The following STEAP1B variants were observed in gnomAD, a reference collection of about 807,000 sequenced individuals.
The protein encoded by STEAP1B is STEAP family member 1B, also known as STEAP family protein MGC87042.
A neutral mutation model predicts 27.9 loss-of-function variants in STEAP1B; 13 were observed. That is an observed-to-expected ratio of 0.47 (90% CI 0.30 to 0.74). The LOEUF is 0.74. STEAP1B is among the 30% of genes least tolerant of loss of function. The probability of loss-of-function intolerance (pLI) is 0.06; values close to 1 mark genes in which losing one functional copy is unlikely to be tolerated. For synonymous variants in STEAP1B, 86 were observed against 107.1 expected (o/e 0.80, Z 1.22); for missense variants, 250 against 298.7 (o/e 0.84, Z 1.20).
At chr7:22,493,093 T>C (rs1786361153) in intron 3 of STEAP1B, among the ~76,000 whole-genome samples, 1 of 152,204 alleles carries the variant, frequency 6.6e-6, no homozygotes, top group African/African-American at 2.4e-5. Flanking sequence ...GAACAAAATG[T>C]TTCTTATGTT....
chr7:22,429,521 T>C (rs1398201959), intron 4 of STEAP1B, among the ~76,000 whole-genome samples: 1 of 152,146 alleles, frequency 6.6e-6, no homozygotes, highest in African/African-American at 2.4e-5. Flanking sequence ...ATATATACTA[T>C]AGCTTTTTGA....
intron 2 of STEAP1B, among the ~76,000 whole-genome samples, chr7:22,494,235 C>A (rs1786397631): frequency 6.7e-6 from 1 of 150,196 alleles, no homozygotes; most frequent in Non-Finnish European, 1.5e-5. Context: ...GCCACTTTTT[C>A]AGTCAAAAAA....
chr7:22,473,130 C>T (rs1785913338), intron 4 of STEAP1B, among the ~76,000 whole-genome samples: 1 of 152,126 alleles, frequency 6.6e-6, no homozygotes, highest in Non-Finnish European at 1.5e-5. Flanking sequence ...TGCATTACCG[C>T]ACTGACCAGG....
At chr7:22,449,569 A>T (rs1785454810) in intron 4 of STEAP1B, among the ~76,000 whole-genome samples, 2 of 152,200 alleles carry the variant, frequency 1.3e-5, no homozygotes, top group Non-Finnish European at 2.9e-5. Flanking sequence ...TGCTTCCAAA[A>T]TCTTGGCTAT....
In STEAP1B at chr7:22,433,199, C is replaced by T. The variant is rs868513018; in HGVS notation, c.763-13363G>A. On this transcript the variant is annotated intron_variant, in intron 4 of 4. Transcript: ENST00000678116. ...AAACTTCGCAAGCTCCCATTCATTG[C>T]ACCCCAAAAGACAGAGAACCTGGTA... Among the ~76,000 whole-genome samples, 67 of 152,266 alleles carry T rather than the reference C, an allele frequency of 4.4e-4. 1 individual carries two copies. Among genetic ancestry groups the T allele is most frequent in the African/African-American group, 1.6e-3 (66 of 41,536 alleles).
At chr7:22,487,806 A>C (rs967521200) in intron 4 of STEAP1B, among the ~76,000 whole-genome samples, 3 of 112,510 alleles carry the variant, frequency 2.7e-5, no homozygotes, top group African/African-American at 9.7e-5. Flanking sequence ...ACTCCACCCA[A>C]AAAAAAAAAA....
chr7:22,428,602 T>C (rs969071741), intron 4 of STEAP1B, among the ~76,000 whole-genome samples: 1 of 152,136 alleles, frequency 6.6e-6, no homozygotes, highest in Non-Finnish European at 1.5e-5. Context: ...ATTTCACTCA[T>C]GAACACAAAT....
intron 4 of STEAP1B, among the ~76,000 whole-genome samples, chr7:22,489,742 G>A (rs1447598652): frequency 2.0e-5 from 3 of 152,136 alleles, no homozygotes; most frequent in Non-Finnish European, 4.4e-5. Flanking sequence ...AAGGCAATGC[G>A]GGCTCTTTTT....
chr7:22,493,407 C>T lies in STEAP1B; in HGVS notation c.514G>A (p.Ala172Thr), dbSNP rs547432460. 1 of 1,614,058 alleles carries T rather than the reference C, an allele frequency of 6.2e-7. No individual in the cohort carries two copies. The highest frequency in any genetic ancestry group is 1.3e-5 in the African/African-American group (1 of 75,004). ...AGAGTATAAATTGCATGCAGTACAG[C>T]AAAAAACAAACTGAGAAGCCCAAAC... ...KQFGLLSLFF[A>T]VLHAIYTLSY... The change falls in exon 3 of 5, where the codon GCT becomes ACT. Residue 172 changes from alanine to threonine, a missense_variant. By Grantham distance (58) the Ala-to-Thr change is moderately conservative. Transcript: ENST00000678116.
At chr7:22,497,329 A>C (rs1269185732) in intron 1 of STEAP1B, among the ~76,000 whole-genome samples, 1 of 152,238 alleles carries the variant, frequency 6.6e-6, no homozygotes, top group African/African-American at 2.4e-5. Flanking sequence ...AGATGTTTTC[A>C]TTAGAAAAGA....
intron 4 of STEAP1B, among the ~76,000 whole-genome samples, chr7:22,440,332 T>G (rs2528848): frequency 0.83 from 126,757 of 152,092 alleles, 52,912 homozygotes; most frequent in South Asian, 0.89. Flanking sequence ...TAAAAGTCCT[T>G]CAATTTTACA....
chr7:22,445,467 C>A (rs564416530), intron 4 of STEAP1B, among the ~76,000 whole-genome samples: 3 of 152,370 alleles, frequency 2.0e-5, no homozygotes, highest in African/African-American at 4.8e-5. Context: ...TTGTGAGAAC[C>A]GGGCAGGAAC....
Position 22,419,783 on chromosome 7 carries a change from TC to T in STEAP1B, c.*20del. The T allele has an allele frequency of 6.5e-7, 1 of 1,549,196 alleles. No individual in the cohort carries two copies. Among genetic ancestry groups the T allele is most frequent in the Non-Finnish European group, 8.7e-7 (1 of 1,145,602 alleles). ...TCCAAAGCCTCGTTCTCATTTCCTC[TC>T]ATGTTACTGGCAGGATCTGTCACAA... On this transcript the variant is annotated 3_prime_UTR_variant, in exon 5 of 5. Coordinates refer to ENST00000678116, the MANE Select transcript of STEAP1B (RefSeq NM_001382447.1).
At position 22,461,965 on chromosome 7, in the gene STEAP1B, C is replaced by T. The variant is rs184718715; in HGVS notation, c.762+30600G>A. On this transcript the variant is annotated intron_variant, in intron 4 of 4. Coordinates refer to ENST00000678116, the MANE Select transcript of STEAP1B (RefSeq NM_001382447.1). ...CAAAGTACTTGAAACGTACCAGCCA[C>T]GTAGTAAACGCTTGGTAATAGTTAC... Among the ~76,000 whole-genome samples the T allele has an allele frequency of 3.8e-3, 573 of 152,276 alleles. 1 individual carries two copies. The highest frequency in any genetic ancestry group is 0.019 in the South Asian group (92 of 4,828).
chr7:22,473,412 T>C (rs4722142), intron 4 of STEAP1B, among the ~76,000 whole-genome samples: 68,652 of 151,954 alleles, frequency 0.45, 15,922 homozygotes, highest in African/African-American at 0.56. Flanking sequence ...GACAGAAAAG[T>C]GAGTCTGAGA....
intron 4 of STEAP1B, among the ~76,000 whole-genome samples, chr7:22,488,443 C>T (rs1376729755): frequency 2.0e-5 from 3 of 152,158 alleles, no homozygotes; most frequent in Admixed American, 6.5e-5. Flanking sequence ...TAGTCACCCT[C>T]GAGGCTGAGT....
rs182674420 is a variant in STEAP1B at position 22,427,726 on chromosome 7, G to T, written c.763-7890C>A. Among the ~76,000 whole-genome samples the T allele has an allele frequency of 8.5e-5, 13 of 152,286 alleles. No individual in the cohort carries two copies. In the East Asian group the frequency reaches 2.1e-3, roughly 25 times the overall value. ...TAGAAGGCAGGAAATGTTTACAAAA[G>T]GAATGAAGTGAGTAATAAATGTACC... is the stretch of plus-strand genomic sequence containing the variant. On this transcript the variant is annotated intron_variant, in intron 4 of 4. Coordinates refer to ENST00000678116, the MANE Select transcript of STEAP1B (RefSeq NM_001382447.1).
chr7:22,421,317 A>T (rs936197963), intron 4 of STEAP1B, among the ~76,000 whole-genome samples: 6 of 152,244 alleles, frequency 3.9e-5, no homozygotes, highest in African/African-American at 1.2e-4. Context: ...CAATGTCATC[A>T]TTATTTGAAT....
At chr7:22,475,192 G>A (rs1378283960) in intron 4 of STEAP1B, among the ~76,000 whole-genome samples, 1 of 152,164 alleles carries the variant, frequency 6.6e-6, no homozygotes. Context: ...CCTGGCCTGC[G>A]TGTGGCTGCT....
Sources: allele counts gnomAD v4.1 joint callset (sites outside exome capture counted in the v4.1 genomes callset), GRCh38; gene constraint gnomAD v4.1.1; transcripts MANE v1.5; gene names NCBI Gene and HGNC (gene_info 2026-07-23, HGNC 2026-07-21).